Variants in PTPN9 observed in about 807,000 individuals in gnomAD.
PTPN9 encodes tyrosine-protein phosphatase non-receptor type 9.
In PTPN9, 26 loss-of-function variants were observed where a neutral mutation model predicts 69.8. The ratio of observed to expected loss-of-function variants is 0.37; its 90% CI spans 0.27 to 0.52. The LOEUF (loss-of-function observed/expected upper bound fraction) is 0.52. Ranked by LOEUF, PTPN9 falls within the 20% of genes least tolerant of loss-of-function variation. The pLI is 0.91. For missense variants in PTPN9, 549 were observed against 740.3 expected, an observed-to-expected ratio of 0.74 and a Z score of 3.00; for synonymous variants, 274 against 272.5, an observed-to-expected ratio of 1.01 and a Z score of -0.05.
At chr15:75,495,836 T>C (rs917965026) in intron 7 of PTPN9, among the ~76,000 whole-genome samples, 1 of 151,928 alleles carries the variant, frequency 6.6e-6, no homozygotes, top group Non-Finnish European at 1.5e-5. Context: ...AAACAAAAAA[T>C]TGAATTGATA....
intron 11 of PTPN9, among the ~76,000 whole-genome samples, chr15:75,470,333 G>A (rs770755227): frequency 6.6e-6 from 1 of 152,122 alleles, no homozygotes; most frequent in Non-Finnish European, 1.5e-5. Context: ...TTTGTTCTAT[G>A]TTTTGTAGAG....
Position 75,475,249 on chromosome 15 carries a change from T to C in PTPN9, c.1130-1482A>G, listed in dbSNP as rs764611667. On this transcript the variant is annotated intron_variant, in intron 9 of 12. Coordinates refer to ENST00000618819, the MANE Select transcript of PTPN9 (RefSeq NM_002833.4). ...CAGGGCTGAGCACTCAGCAATAACT[T>C]TGAAGATACTTGTGGGCTACCAACT... 3.0e-4 allele frequency among the ~76,000 whole-genome samples: 46 copies of C among 152,050 alleles called. 1 individual carries two copies. The highest frequency in any genetic ancestry group is 6.6e-5 in the Admixed American group (1 of 15,252).
chr15:75,549,901 G>A (rs932815462), intron 1 of PTPN9, among the ~76,000 whole-genome samples: 4 of 152,006 alleles, frequency 2.6e-5, no homozygotes, highest in African/African-American at 9.7e-5. Context: ...TTAAGCATGG[G>A]AAGTTAAGGC....
At chr15:75,481,130 C>A (rs1450066398) in intron 8 of PTPN9, among the ~76,000 whole-genome samples, 1 of 63,002 alleles carries the variant, frequency 1.6e-5, no homozygotes, top group Non-Finnish European at 3.0e-5. Context: ...GCCGCCCCAT[C>A]TGGGATGTGA....
chr15:75,566,556 C>G (rs1039214767), intron 1 of PTPN9, among the ~76,000 whole-genome samples: 1 of 152,036 alleles, frequency 6.6e-6, no homozygotes. Flanking sequence ...GTGGCAGGCA[C>G]CTGTAGTCCC....
At chr15:75,508,845 G>T in intron 6 of PTPN9, 72 bp downstream of exon 6, 2 of 1,171,078 alleles carry the variant, frequency 1.7e-6, no homozygotes, top group Non-Finnish European at 2.5e-6. Context: ...ATTTTTTGAA[G>T]GTAGAAAATT....
intron 1 of PTPN9, among the ~76,000 whole-genome samples, chr15:75,564,453 A>G (rs1007840390): frequency 5.3e-5 from 8 of 151,806 alleles, no homozygotes; most frequent in African/African-American, 1.9e-4. Context: ...AAAATTAGCC[A>G]GGCGTGGTAG....
chr15:75,503,195 G>T (rs1431512023), intron 7 of PTPN9, among the ~76,000 whole-genome samples: 1 of 150,480 alleles, frequency 6.6e-6, no homozygotes, highest in Non-Finnish European at 1.5e-5. Flanking sequence ...AGTGAGGAGC[G>T]CCTCTTCCCG....
chr15:75,490,151 T>C, intron 8 of PTPN9, 57 bp downstream of exon 8: 1 of 1,317,972 alleles, frequency 7.6e-7, no homozygotes, highest in Non-Finnish European at 1.1e-6. Context: ...AAGCTTCACT[T>C]TGGAAGAAGC....
At chr15:75,514,994 G>A (rs528258055) in intron 5 of PTPN9, among the ~76,000 whole-genome samples, 3 of 152,260 alleles carry the variant, frequency 2.0e-5, no homozygotes, top group South Asian at 4.1e-4. Context: ...GTCTTATAAA[G>A]TTAAATCTTC....
intron 2 of PTPN9, among the ~76,000 whole-genome samples, chr15:75,525,596 G>A (rs1473294461): frequency 6.0e-5 from 9 of 151,190 alleles, no homozygotes; most frequent in Non-Finnish European, 2.9e-5. Context: ...TATTATCTTG[G>A]TTTGTCTTAT....
At chr15:75,490,784 C>T (rs1234437993) in intron 7 of PTPN9, among the ~76,000 whole-genome samples, 1 of 152,096 alleles carries the variant, frequency 6.6e-6, no homozygotes, top group Non-Finnish European at 1.5e-5. Context: ...GCCACCACGC[C>T]CAGCTAATTT....
At chr15:75,565,837 A>G (rs2075124493) in intron 1 of PTPN9, among the ~76,000 whole-genome samples, 1 of 152,196 alleles carries the variant, frequency 6.6e-6, no homozygotes, top group Non-Finnish European at 1.5e-5. Context: ...AAATGAACCA[A>G]TGAACCAATG....
At chr15:75,504,832 C>A (rs1200385084) in intron 7 of PTPN9, among the ~76,000 whole-genome samples, 11 of 123,730 alleles carry the variant, frequency 8.9e-5, no homozygotes, top group Non-Finnish European at 1.7e-4. Flanking sequence ...CCAGCCGCCC[C>A]GTCCGGGAGG....
intron 1 of PTPN9, among the ~76,000 whole-genome samples, 181 bp downstream of exon 1, chr15:75,578,533 T>A (rs905624109): frequency 6.6e-6 from 1 of 151,352 alleles, no homozygotes; most frequent in East Asian, 2.0e-4. Flanking sequence ...GTCCCGTGGG[T>A]CCCCCGACGA....
intron 1 of PTPN9, among the ~76,000 whole-genome samples, chr15:75,546,218 A>C (rs1315592811): frequency 2.0e-5 from 3 of 152,214 alleles, no homozygotes; most frequent in Non-Finnish European, 4.4e-5. Context: ...AAATTTCTGA[A>C]TGAGGATAAA....
At chr15:75,482,923 CCA>C (rs1453547762) in intron 8 of PTPN9, among the ~76,000 whole-genome samples, 4 of 151,882 alleles carry the variant, frequency 2.6e-5, no homozygotes, top group Non-Finnish European at 5.9e-5. Flanking sequence ...CCACTGCACT[CCA>C]GCCTGAGCGA....
chr15:75,520,813 T>C (rs2074900934), intron 4 of PTPN9, among the ~76,000 whole-genome samples: 1 of 151,818 alleles, frequency 6.6e-6, no homozygotes, highest in East Asian at 1.9e-4. Flanking sequence ...CCAGAATATA[T>C]ATATTTTTAA....
chr15:75,474,826 T>C (rs1045367425), intron 9 of PTPN9, among the ~76,000 whole-genome samples: 1 of 152,166 alleles, frequency 6.6e-6, no homozygotes, highest in Non-Finnish European at 1.5e-5. Context: ...TAGGCCTTTT[T>C]CCCTTCCAAT....
Sources: allele counts gnomAD v4.1 joint callset (sites outside exome capture counted in the v4.1 genomes callset), GRCh38; gene constraint gnomAD v4.1.1; transcripts MANE v1.5; gene names NCBI Gene and HGNC (gene_info 2026-07-23, HGNC 2026-07-21).